Variants in SLC35A5 observed in about 807,000 individuals in gnomAD.
SLC35A5 encodes the protein UDP-sugar transporter protein SLC35A5.
Under a neutral mutation model 36.3 loss-of-function variants are expected in SLC35A5, and 28 were observed. That is an observed-to-expected ratio of 0.77 (90% CI 0.57 to 1.06). SLC35A5 has a LOEUF of 1.06. SLC35A5 is among the 50% of genes least tolerant of loss of function. SLC35A5 has a pLI of 0.00. For synonymous variants in SLC35A5, 180 were observed against 173.7 expected, an observed-to-expected ratio of 1.04 and a Z score of -0.29; for missense variants, 521 against 499.3, an observed-to-expected ratio of 1.04 and a Z score of -0.41.
chr3:112,583,756 A>G lies in SLC35A5; in HGVS notation c.*1020A>G, dbSNP rs1404897308. The G allele has an allele frequency of 2.0e-5, 3 of 152,166 alleles. No homozygotes were observed. Among genetic ancestry groups the G allele is most frequent in the African/African-American group, 7.2e-5 (3 of 41,458 alleles). The allele number at this position is 152,166 out of a possible 1,614,324, so 9.4% of individuals were successfully genotyped here. On this transcript the variant is annotated 3_prime_UTR_variant, in exon 7 of 7. Coordinates refer to ENST00000492406, the MANE Select transcript of SLC35A5 (RefSeq NM_017945.5). Reference sequence around the variant, plus strand: ...CTCTAAAAATAGAAAGACCAGTAATATATAAGTCACTTTACAGTGCTACTT... The same window carrying G: ...CTCTAAAAATAGAAAGACCAGTAATGTATAAGTCACTTTACAGTGCTACTT...
rs1559863766 is a variant in SLC35A5 at position 112,580,534 on chromosome 3, A to G, written c.429-12A>G. The G allele has an allele frequency of 1.9e-6, 3 of 1,569,566 alleles. No individual in the cohort carries two copies. Among genetic ancestry groups the G allele is most frequent in the South Asian group, 1.2e-5 (1 of 84,154 alleles). On this transcript the variant is annotated splice_polypyrimidine_tract_variant and intron_variant, in intron 5 of 6. Coordinates refer to ENST00000492406, the MANE Select transcript of SLC35A5 (RefSeq NM_017945.5). The stretch of plus-strand genomic sequence containing the variant: ...AAACAGTAGTAAAATCTTTTTTTTC[A>G]TCTTTGAACAGGAGGCGTCTAAACT...
intron 4 of SLC35A5, 25 bp from the exon 5 acceptor site, chr3:112,573,864 A>G (rs1288962234): frequency 6.3e-7 from 1 of 1,589,218 alleles, no homozygotes; most frequent in Non-Finnish European, 8.6e-7. Flanking sequence ...TTTGGATTGT[A>G]ACTCTATCTT....
At chr3:112,569,312 C>A (rs1559857675) in intron 3 of SLC35A5, 43 bp downstream of exon 3, 4 of 1,465,598 alleles carry the variant, frequency 2.7e-6, no homozygotes, top group Admixed American at 3.6e-5. Flanking sequence ...ATCATAGGAC[C>A]AAAAAATGTT....
chr3:112,567,988 G>C (rs1360059747), intron 2 of SLC35A5, among the ~76,000 whole-genome samples: 3 of 152,224 alleles, frequency 2.0e-5, no homozygotes, highest in African/African-American at 7.2e-5. Context: ...ACTATGCTTT[G>C]AATGATGGGG....
At chr3:112,575,560 TTAA>T (rs1290479060) in intron 5 of SLC35A5, among the ~76,000 whole-genome samples, 1 of 152,010 alleles carries the variant, frequency 6.6e-6, no homozygotes, top group African/African-American at 2.4e-5. Flanking sequence ...TTTGCTAATT[TTAA>T]TAATAACTAA....
At chr3:112,577,327 T>C (rs1435281675) in intron 5 of SLC35A5, among the ~76,000 whole-genome samples, 2 of 152,210 alleles carry the variant, frequency 1.3e-5, no homozygotes, top group East Asian at 3.8e-4. Flanking sequence ...ATTCAAACTT[T>C]ATGTGAATGT....
intron 1 of SLC35A5, among the ~76,000 whole-genome samples, chr3:112,563,105 T>C (rs1934010714): frequency 6.6e-6 from 1 of 152,220 alleles, no homozygotes. Flanking sequence ...TCAAAATTGC[T>C]TTGAAGAATT....
chr3:112,579,436 C>G (rs1934802045), intron 5 of SLC35A5, among the ~76,000 whole-genome samples: 1 of 151,894 alleles, frequency 6.6e-6, no homozygotes, highest in Admixed American at 6.6e-5. Flanking sequence ...CTTTGCCTAA[C>G]TAACTGATCT....
intron 4 of SLC35A5, among the ~76,000 whole-genome samples, chr3:112,570,972 C>T (rs926387471): frequency 5.3e-5 from 8 of 152,180 alleles, no homozygotes; most frequent in South Asian, 2.1e-4. Context: ...TTTTCTGAGA[C>T]GTCCTGTGGC....
intron 4 of SLC35A5, among the ~76,000 whole-genome samples, chr3:112,573,134 A>G (rs1934519280): frequency 6.6e-6 from 1 of 152,156 alleles, no homozygotes; most frequent in South Asian, 2.1e-4. Flanking sequence ...TTTGGGGTTT[A>G]ATCACCTTAA....
chr3:112,576,567 T>G (rs1311235821), intron 5 of SLC35A5, among the ~76,000 whole-genome samples: 1 of 152,228 alleles, frequency 6.6e-6, no homozygotes, highest in Non-Finnish European at 1.5e-5. Context: ...CCCTAACCCC[T>G]GATAACTACC....
At chr3:112,569,537 T>C (rs1934346280) in intron 3 of SLC35A5, among the ~76,000 whole-genome samples, 1 of 152,254 alleles carries the variant, frequency 6.6e-6, no homozygotes, top group African/African-American at 2.4e-5. Flanking sequence ...TGTTCTGTGA[T>C]AGTTTCATAC....
At chr3:112,561,539 G>C (rs763051259), upstream of SLC35A5, 30 of 1,601,314 alleles carry the variant, frequency 1.9e-5, no homozygotes, top group East Asian at 6.3e-4. Flanking sequence ...CCTGGGGCCG[G>C]AGTAGCGGCC....
chr3:112,576,169 C>T (rs1934665439), intron 5 of SLC35A5, among the ~76,000 whole-genome samples: 2 of 151,642 alleles, frequency 1.3e-5, no homozygotes, highest in African/African-American at 4.8e-5. Context: ...TGCTCTGTCG[C>T]CAGGCTGGAG....
At chr3:112,572,713 A>T (rs1290668954) in intron 4 of SLC35A5, among the ~76,000 whole-genome samples, 1 of 152,254 alleles carries the variant, frequency 6.6e-6, no homozygotes, top group Admixed American at 6.5e-5. Flanking sequence ...TGAAGGAATT[A>T]AATAGAGATG....
rs1934747966 is a variant in SLC35A5, at chr3:112,578,105, G to A, written c.429-2441G>A. On this transcript the variant is annotated intron_variant, in intron 5 of 6. Transcript: ENST00000492406. ...AACAATTTATTTTAACTTAGAATAT[G>A]TAAATATACATGTATTCATCATTCT... Among the ~76,000 whole-genome samples, 3 of 152,086 alleles carry A rather than the reference G, an allele frequency of 2.0e-5. No homozygotes were observed. In the South Asian group the frequency reaches 6.2e-4, roughly 32 times the overall value.
rs141421001 is a variant in SLC35A5, at chr3:112,582,164, A to G, written c.1210-507A>G. The stretch of plus-strand genomic sequence containing the variant: ...TTTCACTCTTTGGGAAAAATAATCT[A>G]TTGCTTAATAACATTCATAGCAGAG... On this transcript the variant is annotated intron_variant, in intron 6 of 6. Coordinates refer to ENST00000492406, the MANE Select transcript of SLC35A5 (RefSeq NM_017945.5). 2.1e-4 allele frequency among the ~76,000 whole-genome samples: 32 copies of G among 152,286 alleles called. No homozygotes were observed. In the East Asian group the frequency reaches 6.2e-3, roughly 29 times the overall value.
intron 2 of SLC35A5, among the ~76,000 whole-genome samples, chr3:112,566,193 G>A (rs1934189994): frequency 6.6e-6 from 1 of 152,204 alleles, no homozygotes; most frequent in African/African-American, 2.4e-5. Flanking sequence ...AATGCTGAGT[G>A]GATTGATGCT....
At chr3:112,581,676 T>C (rs1934938029) in intron 6 of SLC35A5, among the ~76,000 whole-genome samples, 1 of 152,176 alleles carries the variant, frequency 6.6e-6, no homozygotes, top group Non-Finnish European at 1.5e-5. Flanking sequence ...ATGAAAGAAC[T>C]GGTACACCTA....
Sources: allele counts gnomAD v4.1 joint callset (sites outside exome capture counted in the v4.1 genomes callset), GRCh38; gene constraint gnomAD v4.1.1; transcripts MANE v1.5; gene names NCBI Gene and HGNC (gene_info 2026-07-23, HGNC 2026-07-21).